The following FOXN4 variants were observed in gnomAD, a reference collection of about 807,000 sequenced individuals.
The protein encoded by FOXN4 is forkhead box protein N4.
Under a neutral mutation model 45.0 loss-of-function variants are expected in FOXN4, and 12 were observed. That is an observed-to-expected ratio of 0.27 (90% CI 0.17 to 0.43). The LOEUF is 0.43. Among genes scored for constraint, FOXN4 ranks in the 20% least tolerant of loss-of-function variants. The pLI, the probability that FOXN4 is intolerant of heterozygous loss-of-function variation, is 1.00. For missense variants in FOXN4, 560 were observed against 694.9 expected, an observed-to-expected ratio of 0.81 and a Z score of 2.18; for synonymous variants, 297 against 295.0, an observed-to-expected ratio of 1.01 and a Z score of -0.07.
At chr12:109,307,311 G>A (rs971687137) in intron 2 of FOXN4, among the ~76,000 whole-genome samples, 6 of 152,166 alleles carry the variant, frequency 3.9e-5, no homozygotes, top group Non-Finnish European at 8.8e-5. Flanking sequence ...CCCTGGTCCT[G>A]TCCCCATTCC....
In FOXN4 at chr12:109,308,308, T is replaced by G. The variant is rs1334398640; in HGVS notation, c.14A>C (p.Asp5Ala). 6.4e-7 allele frequency: 1 copy of G among 1,551,424 alleles called. No homozygotes were observed. Among genetic ancestry groups the G allele is most frequent in the Non-Finnish European group, 8.7e-7 (1 of 1,146,766 alleles). ...AATTCCTGACATTATGGATGAGGTG[T>G]CACTTTCTATCATCTCCTTGGGAAA... MIES[D>A]TSSIMSGIIR... Residue 5 changes from aspartate (D) to alanine (A), a missense_variant, in exon 2 of 10, where the codon GAC becomes GCC. Physicochemically the swap from Asp to Ala is moderately radical, Grantham distance 126. Transcript: ENST00000299162.
chr12:109,296,552 G>A (rs1037353436), intron 2 of FOXN4, among the ~76,000 whole-genome samples: 15 of 152,142 alleles, frequency 9.9e-5, no homozygotes, highest in Admixed American at 8.5e-4. Context: ...GTGGCCCCAG[G>A]GAGGGTAGGG....
At chr12:109,299,712 G>T (rs1293616573) in intron 2 of FOXN4, among the ~76,000 whole-genome samples, 1 of 152,234 alleles carries the variant, frequency 6.6e-6, no homozygotes, top group African/African-American at 2.4e-5. Flanking sequence ...TCCGGGCAAG[G>T]ATTGAGGTGG....
chr12:109,281,734 GT>G lies in FOXN4; in HGVS notation c.966del (p.Glu322AspfsTer7), dbSNP rs1452481586. ...GCGTGAGTCAGCACGGGGGCCTCTG[GT>G]TCCCCCGGTTTGCCGGGGCGCCGGC... ...ESCRRPGKPGEPEAPVLTHAT... is the reference protein window; with the variant it reads ...ESCRRPGKPGXPEAPVLTHAT... On this transcript the variant is annotated frameshift_variant, in exon 9 of 10. Coordinates refer to ENST00000299162, the MANE Select transcript of FOXN4 (RefSeq NM_213596.3). LOFTEE classifies it high-confidence loss of function. 1 of 1,607,668 alleles carries G rather than the reference GT, an allele frequency of 6.2e-7. No homozygotes were observed. Among genetic ancestry groups the G allele is most frequent in the Non-Finnish European group, 8.5e-7 (1 of 1,177,042 alleles).
At position 109,285,461 on chromosome 12, in the gene FOXN4, G is replaced by A; in HGVS notation, c.744C>T (p.Asn248=). 2 of 1,614,144 alleles carry A rather than the reference G, an allele frequency of 1.2e-6. No homozygotes were observed. Among genetic ancestry groups the A allele is most frequent in the Non-Finnish European group, 1.7e-6 (2 of 1,179,982 alleles). The change falls in exon 8 of 10, where the codon AAC becomes AAT. Residue 248 remains asparagine (N), a synonymous_variant. Coordinates refer to ENST00000299162, the MANE Select transcript of FOXN4 (RefSeq NM_213596.3). ...TGTTCTCCACCTTCTCGAAGCACTT[G>A]TTCAGAGACAGGTTGTGCCGCACCG... ...KNSVRHNLSL[N]KCFEKVENKM... is the part of the protein sequence containing the mutation.
rs1293054119 is a variant in FOXN4, at chr12:109,287,125, CAGAG to C, written c.596+268_596+271del. Among the ~76,000 whole-genome samples, 1 of 152,192 alleles carries C rather than the reference CAGAG, an allele frequency of 6.6e-6. No individual in the cohort carries two copies. Among genetic ancestry groups the C allele is most frequent in the Admixed American group, 6.5e-5 (1 of 15,284 alleles). On this transcript the variant is annotated intron_variant, in intron 6 of 9. Coordinates refer to ENST00000299162, the MANE Select transcript of FOXN4 (RefSeq NM_213596.3). This position sits in a 1 kb window ranked among gnomAD's most constrained non-coding sequence, Gnocchi z 4.1. ...TTTTACATTTGGGGAAATCGAGGCT[CAGAG>C]AGGTCATCCCACTTCCCCAAGGCCA...
Position 109,285,340 on chromosome 12 carries a change from C to T in FOXN4, c.865G>A (p.Asp289Asn), listed in dbSNP as rs772585516. The change falls in exon 8 of 10, where the codon GAC (aspartate) becomes AAC (asparagine). Residue 289 changes from aspartate (D) to asparagine (N), a missense_variant. By Grantham distance (23) the Asp-to-Asn change is conservative. Around this residue, in one of 5 missense-constraint regions of FOXN4, gnomAD observed 315 missense variants for 350.5 expected, o/e 0.90. Coordinates refer to ENST00000299162, the MANE Select transcript of FOXN4 (RefSeq NM_213596.3). ...ATACTCCGGTGGATGGCAGCCAGGT[C>T]CTTCCTCTTCCACTTGTGCATCTCC... ...EEEMHKWKRK[D>N]LAAIHRSMAN... is the part of the protein sequence containing the mutation. 3 of 1,613,212 alleles carry T rather than the reference C, an allele frequency of 1.9e-6. No homozygotes were observed. Among genetic ancestry groups the T allele is most frequent in the South Asian group, 2.2e-5 (2 of 90,966 alleles).
chr12:109,291,264 G>A lies in FOXN4; in HGVS notation c.87-978C>T, dbSNP rs967516151. On this transcript the variant is annotated intron_variant, in intron 2 of 9. Coordinates refer to ENST00000299162, the MANE Select transcript of FOXN4 (RefSeq NM_213596.3). The surrounding 1 kb of genome is among the most constrained non-coding windows in gnomAD (Gnocchi z 6.6). ...CAAGTCACACTTGCCACGCGACTCC[G>A]AGAGCATCGGGTCTTACACCACCAT... is the stretch of plus-strand genomic sequence containing the variant. Among the ~76,000 whole-genome samples, 1 of 151,952 alleles carries A rather than the reference G, an allele frequency of 6.6e-6. No individual in the cohort carries two copies. The highest frequency in any genetic ancestry group is 1.5e-5 in the Non-Finnish European group (1 of 67,982).
chr12:109,283,329 A>C (rs1052959019), intron 8 of FOXN4, among the ~76,000 whole-genome samples: 1 of 152,192 alleles, frequency 6.6e-6, no homozygotes, highest in African/African-American at 2.4e-5. Context: ...ACACACAAGC[A>C]TATTTATTCT....
At chr12:109,299,612 C>T (rs1333990701) in intron 2 of FOXN4, among the ~76,000 whole-genome samples, 1 of 152,174 alleles carries the variant, frequency 6.6e-6, no homozygotes, top group African/African-American at 2.4e-5. Flanking sequence ...TTAGGCAGTC[C>T]CCCCTCTGCC....
chr12:109,280,342 C>CAA (rs34879457), intron 9 of FOXN4, among the ~76,000 whole-genome samples: 456 of 52,728 alleles, frequency 8.6e-3, no homozygotes, highest in Non-Finnish European at 0.01. Context: ...GACTCCACCT[C>CAA]AAAAAAAAAA....
intron 2 of FOXN4, among the ~76,000 whole-genome samples, chr12:109,299,915 A>C (rs2047854454): frequency 6.6e-6 from 1 of 152,212 alleles, no homozygotes; most frequent in Admixed American, 6.5e-5. Flanking sequence ...GTGGCACTGC[A>C]GTGGAGTGGT....
rs553313815 is a variant in FOXN4 at position 109,299,343 on chromosome 12, C to T, written c.86+8893G>A. Among the ~76,000 whole-genome samples the T allele has an allele frequency of 8.6e-5, 13 of 152,016 alleles. No individual in the cohort carries two copies. In the South Asian group the frequency reaches 1.5e-3, roughly 17 times the overall value. On this transcript the variant is annotated intron_variant, in intron 2 of 9. Coordinates refer to ENST00000299162, the MANE Select transcript of FOXN4 (RefSeq NM_213596.3). ...CACGCACGCATGCACACTACGCACA[C>T]GGATGCACACATGTGTGCACACACA...
rs1011955625 is a variant in FOXN4, at chr12:109,291,682, G to A, written c.87-1396C>T. ...CACACTGCTCAGTTGTCGCAGGGCC[G>A]GGCCCTGGGCCCACAAAGCTGGCAT... is the stretch of plus-strand genomic sequence containing the variant. On this transcript the variant is annotated intron_variant, in intron 2 of 9. Transcript: ENST00000299162. This position sits in a 1 kb window ranked among gnomAD's most constrained non-coding sequence, Gnocchi z 6.6. 2.0e-5 allele frequency among the ~76,000 whole-genome samples: 3 copies of A among 152,096 alleles called. No homozygotes were observed. The highest frequency in any genetic ancestry group is 2.9e-5 in the Non-Finnish European group (2 of 68,004).
chr12:109,279,699 T>C lies in FOXN4; in HGVS notation c.1526A>G (p.Gln509Arg). The C allele has an allele frequency of 2.5e-6, 4 of 1,573,820 alleles. No individual in the cohort carries two copies. The highest frequency in any genetic ancestry group is 3.4e-6 in the Non-Finnish European group (4 of 1,160,520). Residue 509 changes from glutamine (Q) to arginine (R), a missense_variant, in exon 10 of 10, where the codon CAG becomes CGG. By Grantham distance (43) the Gln-to-Arg change is conservative. Around this residue, in one of 5 missense-constraint regions of FOXN4, gnomAD observed 315 missense variants for 350.5 expected, o/e 0.90. Transcript: ENST00000299162. Reference sequence around the variant, plus strand: ...AAGCAGGGCTATAGGCTTGTTCCCCTGTGCACCCAGGTACTGGGAGGAGGA... The same window carrying C: ...AAGCAGGGCTATAGGCTTGTTCCCCCGTGCACCCAGGTACTGGGAGGAGGA... ...TSSSSQYLGA[Q>R]GNKPIALL
At chr12:109,307,379 C>A (rs2047930681) in intron 2 of FOXN4, among the ~76,000 whole-genome samples, 1 of 152,136 alleles carries the variant, frequency 6.6e-6, no homozygotes, top group African/African-American at 2.4e-5. Flanking sequence ...GTCGGGGGAG[C>A]CCTGGAAACG....
At position 109,279,405 on chromosome 12, in the gene FOXN4, G is replaced by A. The variant is rs2075438; in HGVS notation, c.*266C>T. 219,897 of 539,314 alleles carry A rather than the reference G, an allele frequency of 0.41. 47,433 individuals carry two copies. The highest frequency in any genetic ancestry group is 0.46 in the Non-Finnish European group (137,197 of 300,734). The allele number at this position is 539,314 out of a possible 1,614,324, so 33.4% of individuals were successfully genotyped here. On this transcript the variant is annotated 3_prime_UTR_variant, in exon 10 of 10. Transcript: ENST00000299162. ...GGCCTCGGAGGAGTGTCAAGGGGTC[G>A]GGGGATGCTGGGTTGCTTGTCCACC...
intron 2 of FOXN4, among the ~76,000 whole-genome samples, chr12:109,301,877 A>G (rs1238339310): frequency 6.6e-6 from 1 of 152,158 alleles, no homozygotes; most frequent in Non-Finnish European, 1.5e-5. Context: ...AGGGAGGAAG[A>G]GTCCTCAGCC....
chr12:109,292,070 G>A (rs1159781818), intron 2 of FOXN4, among the ~76,000 whole-genome samples: 1 of 152,162 alleles, frequency 6.6e-6, no homozygotes, highest in Non-Finnish European at 1.5e-5. Flanking sequence ...TGAGGTGCAG[G>A]GGCAGGGCCT....
Sources: gnomAD v4.1 joint callset for allele counts (sites outside exome capture counted in the v4.1 genomes callset) on GRCh38, gnomAD v4.1.1 for gene constraint, gnomAD v4.1.1 regional missense constraint, Gnocchi (gnomAD v3.1) non-coding constraint, MANE v1.5 for transcripts, NCBI Gene and HGNC (gene_info 2026-07-23, HGNC 2026-07-21) for gene names.